Variants in PARD3B observed in about 807,000 individuals in gnomAD.
The protein encoded by PARD3B is partitioning defective 3 homolog B.
A neutral mutation model predicts 130.2 loss-of-function variants in PARD3B; 103 were observed. That is an observed-to-expected ratio of 0.79 (90% CI 0.67 to 0.93). The LOEUF (loss-of-function observed/expected upper bound fraction) is 0.93, where lower values mean the gene tolerates loss of function less well. Among genes scored for constraint, PARD3B ranks in the 40% least tolerant of loss-of-function variants. The probability of loss-of-function intolerance (pLI) is 0.00; values close to 1 mark genes in which losing one functional copy is unlikely to be tolerated. For synonymous variants in PARD3B, 583 were observed against 553.2 expected, an observed-to-expected ratio of 1.05 and a Z score of -0.76; for missense variants, 1,609 against 1,499.2, an observed-to-expected ratio of 1.07 and a Z score of -1.21.
At chr2:205,380,467 G>A in intron 18 of PARD3B, among the ~76,000 whole-genome samples, 2 of 22,942 alleles carry the variant, frequency 8.7e-5, no homozygotes, top group Non-Finnish European at 7.8e-5. Flanking sequence ...AATATATAAA[G>A]AATATATATT....
chr2:204,566,813 C>A (rs2031697284), intron 1 of PARD3B, among the ~76,000 whole-genome samples: 1 of 150,614 alleles, frequency 6.6e-6, no homozygotes, highest in African/African-American at 2.4e-5. Flanking sequence ...TCAGTTTCAT[C>A]TTTTTTAGTA....
At chr2:205,338,166 A>C (rs2043386864) in intron 18 of PARD3B, among the ~76,000 whole-genome samples, 1 of 151,156 alleles carries the variant, frequency 6.6e-6, no homozygotes, top group Non-Finnish European at 1.5e-5. Flanking sequence ...AAAAAAAAAA[A>C]AAAAAAAAAA....
chr2:205,479,566 T>C (rs774645142), intron 20 of PARD3B, among the ~76,000 whole-genome samples: 6 of 152,206 alleles, frequency 3.9e-5, no homozygotes, highest in Non-Finnish European at 8.8e-5. Context: ...GAATAGCCTG[T>C]GCTTAGGAAA....
At chr2:204,705,572 G>A (rs891508933) in intron 2 of PARD3B, among the ~76,000 whole-genome samples, 24 of 151,236 alleles carry the variant, frequency 1.6e-4, no homozygotes, top group African/African-American at 5.9e-4. Flanking sequence ...CAAAAATAAG[G>A]ACAAAATGAA....
At position 205,300,417 on chromosome 2, in the gene PARD3B, C is replaced by A; in HGVS notation, c.2186-113C>A. Reference sequence around the variant, plus strand: ...AGCTGGAGTATAACCCCAACTCCCACCCACTTAACACCCCTTTTTTGGGAT... The same window carrying A: ...AGCTGGAGTATAACCCCAACTCCCAACCACTTAACACCCCTTTTTTGGGAT... On this transcript the variant is annotated intron_variant, in intron 16 of 22. Transcript: ENST00000406610. The surrounding 1 kb of genome is among the most constrained non-coding windows in gnomAD (Gnocchi z 4.1). The A allele has an allele frequency of 1.0e-6, 1 of 983,162 alleles. No individual in the cohort carries two copies. Among genetic ancestry groups the A allele is most frequent in the Non-Finnish European group, 1.6e-6 (1 of 642,046 alleles). The allele number at this position is 983,162 out of a possible 1,614,324, so 60.9% of individuals were successfully genotyped here. A position where few individuals can be genotyped will look rare whatever the true frequency, so the allele number is the denominator to read the frequency against.
At chr2:205,344,759 T>C (rs1438258798) in intron 18 of PARD3B, among the ~76,000 whole-genome samples, 1 of 152,220 alleles carries the variant, frequency 6.6e-6, no homozygotes, top group African/African-American at 2.4e-5. Flanking sequence ...TTTTAGGGCA[T>C]TTTGCCCTCA....
chr2:205,110,596 T>C (rs1477752823), intron 5 of PARD3B, among the ~76,000 whole-genome samples: 1 of 151,946 alleles, frequency 6.6e-6, no homozygotes, highest in African/African-American at 2.4e-5. Flanking sequence ...AACCAAAATA[T>C]TTTTCTTTTA....
chr2:204,818,984 T>G (rs1004515695), intron 2 of PARD3B, among the ~76,000 whole-genome samples: 1 of 152,130 alleles, frequency 6.6e-6, no homozygotes, highest in Non-Finnish European at 1.5e-5. Flanking sequence ...ATGGGGAGAC[T>G]AAGATGATCC....
rs773331415 is a variant in PARD3B, at chr2:205,121,933, G to T, written c.1149G>T (p.Lys383Asn). 4 of 1,606,628 alleles carry T rather than the reference G, an allele frequency of 2.5e-6. No individual in the cohort carries two copies. The highest frequency in any genetic ancestry group is 3.4e-6 in the Non-Finnish European group (4 of 1,175,120). Residue 383 changes from lysine to asparagine, a missense_variant, in exon 8 of 23, where the codon AAG becomes AAT. Coordinates refer to ENST00000406610, the MANE Select transcript of PARD3B (RefSeq NM_001302769.2). The surrounding 1 kb of genome is among the most constrained non-coding windows in gnomAD (Gnocchi z 5.0). ...GCAATAAAAATGCAAAGAAAATTAA[G>T]ATTGACCTAAAGAAAGGTAATTATT... Reference protein sequence around the residue: ...FGSNKNAKKIKIDLKKGPEGL... With the variant: ...FGSNKNAKKINIDLKKGPEGL...
intron 14 of PARD3B, among the ~76,000 whole-genome samples, chr2:205,192,588 A>C (rs2125804431): frequency 6.6e-6 from 1 of 152,310 alleles, no homozygotes; most frequent in African/African-American, 2.4e-5. Context: ...GTACTAAGAA[A>C]ACTATAATGG....
rs567416818 is a variant in PARD3B at position 204,906,894 on chromosome 2, T to G, written c.223-58258T>G. On this transcript the variant is annotated intron_variant, in intron 2 of 22. Transcript: ENST00000406610. This position sits in a 1 kb window ranked among gnomAD's most constrained non-coding sequence, Gnocchi z 4.3. ...TATGCTATTTGCAGATAATGAAGATTGCTGGGAAATTTTAGCATTTTTGTG... is the reference window on the plus strand; with the variant it reads ...TATGCTATTTGCAGATAATGAAGATGGCTGGGAAATTTTAGCATTTTTGTG... 2.6e-4 allele frequency among the ~76,000 whole-genome samples: 40 copies of G among 152,382 alleles called. 1 individual carries two copies. Among genetic ancestry groups the G allele is most frequent in the African/African-American group, 9.6e-4 (40 of 41,594 alleles).
intron 20 of PARD3B, among the ~76,000 whole-genome samples, chr2:205,469,933 C>T (rs13403995): frequency 0.1 from 15,706 of 152,230 alleles, 1,221 homozygotes; most frequent in African/African-American, 0.22. Context: ...TCTTTCAGTA[C>T]CTTGAATATA....
intron 18 of PARD3B, among the ~76,000 whole-genome samples, chr2:205,365,391 AAAG>A (rs1451207986): frequency 1.3e-5 from 2 of 150,632 alleles, no homozygotes; most frequent in African/African-American, 4.9e-5. Context: ...AGAAAAAAAA[AAAG>A]AAAGAAAAGA....
At chr2:204,598,508 T>C (rs990247287) in intron 1 of PARD3B, among the ~76,000 whole-genome samples, 1 of 152,112 alleles carries the variant, frequency 6.6e-6, no homozygotes, top group South Asian at 2.1e-4. Context: ...AATATGGGGA[T>C]AATTATAGTG....
At chr2:204,854,948 A>C (rs76361920) in intron 2 of PARD3B, among the ~76,000 whole-genome samples, 1 of 152,120 alleles carries the variant, frequency 6.6e-6, no homozygotes, top group Non-Finnish European at 1.5e-5. Flanking sequence ...CTCCAAGCAA[A>C]AAGGACCAGT....
intron 2 of PARD3B, among the ~76,000 whole-genome samples, chr2:204,891,312 T>A (rs1010188206): frequency 6.6e-6 from 1 of 152,134 alleles, no homozygotes; most frequent in Non-Finnish European, 1.5e-5. Context: ...GTAATCGATC[T>A]GATTAGCATG....
chr2:204,772,842 G>C (rs116676638), intron 2 of PARD3B, among the ~76,000 whole-genome samples: 3,347 of 151,674 alleles, frequency 0.022, 131 homozygotes, highest in African/African-American at 0.077. Flanking sequence ...AGAAATGTTG[G>C]AATAAGTAAA....
intron 21 of PARD3B, among the ~76,000 whole-genome samples, chr2:205,512,206 CTT>C (rs1276717951): frequency 1.3e-5 from 2 of 152,132 alleles, no homozygotes; most frequent in Non-Finnish European, 2.9e-5. Flanking sequence ...TCATTAATGT[CTT>C]TGTATTTCAT....
chr2:205,484,202 T>C (rs950584263), intron 20 of PARD3B, among the ~76,000 whole-genome samples: 5 of 152,216 alleles, frequency 3.3e-5, no homozygotes, highest in Admixed American at 6.5e-5. Context: ...AACTTTTTGC[T>C]TTCAGTTTAT....
Sources: gnomAD v4.1 joint callset for allele counts (sites outside exome capture counted in the v4.1 genomes callset) on GRCh38, gnomAD v4.1.1 for gene constraint, Gnocchi (gnomAD v3.1) non-coding constraint, MANE v1.5 for transcripts, NCBI Gene and HGNC (gene_info 2026-07-23, HGNC 2026-07-21) for gene names.